The following RMST variants were observed in gnomAD, a reference collection of about 807,000 sequenced individuals.
RMST encodes the protein rhabdomyosarcoma 2 associated transcript.
chr12:97,500,898 G>C (rs1161865234), intron 10 of RMST, among the ~76,000 whole-genome samples: 1 of 152,096 alleles, frequency 6.6e-6, no homozygotes, highest in Admixed American at 6.6e-5. Context: ...GAATACAATT[G>C]AATTACTAGA....
intron 5 of RMST, among the ~76,000 whole-genome samples, chr12:97,488,867 T>C (rs1334319693): frequency 6.6e-6 from 1 of 152,206 alleles, no homozygotes; most frequent in African/African-American, 2.4e-5. Context: ...ATTTCTATTT[T>C]ATGCTCCAGA....
intron 5 of RMST, among the ~76,000 whole-genome samples, chr12:97,474,482 A>G (rs922927058): frequency 1.3e-5 from 2 of 152,056 alleles, no homozygotes; most frequent in Non-Finnish European, 2.9e-5. Flanking sequence ...AAATTCTTCA[A>G]TGGAATTTCT....
intron 10 of RMST, among the ~76,000 whole-genome samples, chr12:97,506,675 G>GTTTTTTTTT (rs780505590): frequency 1.2e-4 from 9 of 76,938 alleles, no homozygotes; most frequent in Admixed American, 1.7e-4. Context: ...AGGGTAATCT[G>GTTTTTTTTT]TTTTTTTTTT....
chr12:97,526,200 G>A (rs1048866995), intron 10 of RMST, among the ~76,000 whole-genome samples: 4 of 151,820 alleles, frequency 2.6e-5, no homozygotes, highest in African/African-American at 4.8e-5. Flanking sequence ...CCCCACTTCC[G>A]GTCCATGGAA....
chr12:97,507,288 A>T (rs1861377), intron 10 of RMST, among the ~76,000 whole-genome samples: 23,905 of 138,064 alleles, frequency 0.17, 3,026 homozygotes, highest in African/African-American at 0.39. Context: ...TTTTTTTTTT[A>T]AAAAAAAAAA....
At chr12:97,466,117 C>T (rs1418784536) in intron 5 of RMST, among the ~76,000 whole-genome samples, 2 of 152,084 alleles carry the variant, frequency 1.3e-5, no homozygotes, top group East Asian at 1.9e-4. Flanking sequence ...AAATTCTTTA[C>T]GAAGTACCAA....
intron 5 of RMST, among the ~76,000 whole-genome samples, chr12:97,482,405 G>A (rs560567813): frequency 3.3e-5 from 5 of 151,986 alleles, no homozygotes; most frequent in Non-Finnish European, 7.4e-5. Flanking sequence ...CACTGGTAAT[G>A]GTTTGCCAGC....
At chr12:97,498,585 G>A (rs994257698) in intron 10 of RMST, among the ~76,000 whole-genome samples, 2 of 111,388 alleles carry the variant, frequency 1.8e-5, no homozygotes, top group Non-Finnish European at 3.7e-5. Context: ...ATTTTTCTGT[G>A]TAATGCATTA....
At chr12:97,501,279 A>T (rs1017638696) in intron 10 of RMST, among the ~76,000 whole-genome samples, 1 of 152,204 alleles carries the variant, frequency 6.6e-6, no homozygotes, top group Non-Finnish European at 1.5e-5. Flanking sequence ...CATTGCCCCT[A>T]CTTTTTGTGC....
intron 5 of RMST, among the ~76,000 whole-genome samples, chr12:97,473,583 A>G (rs1345158589): frequency 6.6e-6 from 1 of 152,160 alleles, no homozygotes; most frequent in Non-Finnish European, 1.5e-5. Flanking sequence ...AAACTTTTCA[A>G]AGCTGTCTTT....
intron 4 of RMST, chr12:97,464,879 T>C (rs1039494468): frequency 6.6e-6 from 1 of 152,184 alleles, no homozygotes; most frequent in African/African-American, 2.4e-5. Context: ...AACACTGCTG[T>C]CCCACTAAAA....
chr12:97,555,184 A>G (rs1237294009), intron 11 of RMST, among the ~76,000 whole-genome samples: 1 of 151,888 alleles, frequency 6.6e-6, no homozygotes, highest in Non-Finnish European at 1.5e-5. Context: ...TGCATCCAAG[A>G]CTCCTTTCAA....
At chr12:97,521,228 A>G (rs539763186) in intron 10 of RMST, among the ~76,000 whole-genome samples, 71 of 152,216 alleles carry the variant, frequency 4.7e-4, no homozygotes, top group African/African-American at 1.7e-3. Flanking sequence ...CTCTCTATGA[A>G]TCTTCATTTA....
intron 10 of RMST, among the ~76,000 whole-genome samples, chr12:97,510,527 AGT>A (rs1879165729): frequency 6.6e-6 from 1 of 152,232 alleles, no homozygotes; most frequent in South Asian, 2.1e-4. Context: ...AAATTGGTAC[AGT>A]GTGTGTTCAT....
At chr12:97,538,694 A>T (rs1359920372) in intron 11 of RMST, among the ~76,000 whole-genome samples, 1 of 151,446 alleles carries the variant, frequency 6.6e-6, no homozygotes, top group African/African-American at 2.4e-5. Flanking sequence ...ATTTGAACAT[A>T]ATTATAGTTT....
At chr12:97,540,458 A>T (rs1190464769) in intron 11 of RMST, among the ~76,000 whole-genome samples, 1 of 151,812 alleles carries the variant, frequency 6.6e-6, no homozygotes, top group Non-Finnish European at 1.5e-5. Context: ...AATGGAATTC[A>T]TTTGAACTTG....
intron 5 of RMST, among the ~76,000 whole-genome samples, chr12:97,472,720 G>A (rs1161075872): frequency 1.3e-5 from 2 of 152,074 alleles, no homozygotes; most frequent in Admixed American, 6.6e-5. Context: ...ATTTCAAAGA[G>A]TTCAGAATTT....
intron 5 of RMST, among the ~76,000 whole-genome samples, chr12:97,482,588 CTT>C (rs1875447532): frequency 6.8e-6 from 1 of 147,884 alleles, no homozygotes; most frequent in Non-Finnish European, 1.5e-5. Context: ...AATTGATACT[CTT>C]TAAGATTTTA....
intron 11 of RMST, among the ~76,000 whole-genome samples, chr12:97,559,088 TTCTCTCTCTCTC>T (rs56136727): frequency 1.3e-4 from 19 of 146,564 alleles, no homozygotes; most frequent in Non-Finnish European, 2.0e-4. Flanking sequence ...ATTTCGAGGT[TTCTCTCTCTCTC>T]TCTCTCTCTC....
Sources: allele counts gnomAD v4.1 joint callset (sites outside exome capture counted in the v4.1 genomes callset), GRCh38; gene constraint gnomAD v4.1.1; transcripts MANE v1.5; gene names NCBI Gene and HGNC (gene_info 2026-07-23, HGNC 2026-07-21).